Variants in TNNC2 observed in about 807,000 individuals in gnomAD.
The protein encoded by TNNC2 is troponin C2, fast skeletal type.
In TNNC2, 14 loss-of-function variants were observed where a neutral mutation model predicts 20.0. The observed-to-expected ratio is 0.70, with a 90% CI of 0.46 to 1.09. TNNC2 has a LOEUF of 1.09. Ranked by LOEUF, TNNC2 falls within the 50% of genes least tolerant of loss-of-function variation. TNNC2 has a pLI of 0.00. For synonymous variants in TNNC2, 81 were observed against 77.3 expected (o/e 1.05, Z -0.25); for missense variants, 163 against 223.8 (o/e 0.73, Z 1.73).
chr20:45,828,790 G>T (rs955086044), upstream of TNNC2, among the ~76,000 whole-genome samples: 1 of 152,102 alleles, frequency 6.6e-6, no homozygotes, highest in Non-Finnish European at 1.5e-5. Context: ...GCCAGGAAAG[G>T]GGGGCTGGAC....
At chr20:45,826,762 C>T (rs1982982667) in intron 1 of TNNC2, among the ~76,000 whole-genome samples, 1 of 152,220 alleles carries the variant, frequency 6.6e-6, no homozygotes, top group African/African-American at 2.4e-5. Context: ...GGTCTGTCAT[C>T]TTCTGCCCCT....
rs1982879924 is a variant in TNNC2, at chr20:45,824,003, T to C, written c.439A>G (p.Ile147Val). The C allele has an allele frequency of 6.2e-7, 1 of 1,613,988 alleles. No homozygotes were observed. Among genetic ancestry groups the C allele is most frequent in the Non-Finnish European group, 8.5e-7 (1 of 1,179,994 alleles). ...KDGDKNNDGRIDFDEFLKMME... is the reference protein window; with the variant it reads ...KDGDKNNDGRVDFDEFLKMME... ...CGTTGGCCCTCACCGTCGAAGTCAA[T>C]GCGGCCGTCGTTGTTCTTGTCGCCG... Residue 147 changes from isoleucine to valine, a missense_variant, in exon 5 of 6, where the codon ATT becomes GTT. Ile to Val is a conservative substitution (Grantham distance 29, BLOSUM62 3). Transcript: ENST00000372555.
At chr20:45,824,731 C>A (rs1601055141) in intron 2 of TNNC2, 52 bp downstream of exon 2, 7 of 1,349,206 alleles carry the variant, frequency 5.2e-6, no homozygotes, top group Non-Finnish European at 7.1e-6. Flanking sequence ...TAGAGGCCAA[C>A]ATGTCCCCAG....
chr20:45,824,260 C>A (rs779571273), intron 4 of TNNC2, 32 bp downstream of exon 4: 2 of 1,606,108 alleles, frequency 1.2e-6, no homozygotes, highest in South Asian at 1.1e-5. Flanking sequence ...GACTGCTAAG[C>A]CCCTCCCTCG....
chr20:45,828,087 G>A (rs1478342765), upstream of TNNC2, among the ~76,000 whole-genome samples: 1 of 152,132 alleles, frequency 6.6e-6, no homozygotes, highest in Non-Finnish European at 1.5e-5. Flanking sequence ...CAAGGCTGAT[G>A]TGCAGTGGTG....
chr20:45,828,392 C>G (rs1320131701), upstream of TNNC2, among the ~76,000 whole-genome samples: 1 of 152,090 alleles, frequency 6.6e-6, no homozygotes, highest in Non-Finnish European at 1.5e-5. Flanking sequence ...GACAGACAGT[C>G]CTTGGGGCAC....
At position 45,824,637 on chromosome 20, in the gene TNNC2, C is replaced by T; in HGVS notation, c.57G>A (p.Glu19=). ...RSYLSEEMIA[E]FKAAFDMFDA... ...CAAACATGTCAAAGGCAGCCTTGAA[C>T]TCTGCGAGGGAGGGCAGAGGGCAGA... Residue 19 remains glutamate, a splice_region_variant and synonymous_variant, in exon 3 of 6, where the codon GAG becomes GAA. Transcript: ENST00000372555. 1 of 1,609,046 alleles carries T rather than the reference C, an allele frequency of 6.2e-7. No homozygotes were observed. The highest frequency in any genetic ancestry group is 1.1e-5 in the South Asian group (1 of 91,048).
chr20:45,825,858 G>T (rs931309935), intron 1 of TNNC2, among the ~76,000 whole-genome samples: 1 of 152,078 alleles, frequency 6.6e-6, no homozygotes, highest in Non-Finnish European at 1.5e-5. Context: ...TACCTTAGGC[G>T]ATCTGCCTGC....
At position 45,825,543 on chromosome 20, in the gene TNNC2, C is replaced by T. The variant is rs530595534; in HGVS notation, c.4-709G>A. On this transcript the variant is annotated intron_variant, in intron 1 of 5. Coordinates refer to ENST00000372555, the MANE Select transcript of TNNC2 (RefSeq NM_003279.3). ...CTCACATCAGGTGATCCGCCCACCT[C>T]GGCTTCCCAAAGTGCTGGGATTACA... Among the ~76,000 whole-genome samples, 81 of 152,244 alleles carry T rather than the reference C, an allele frequency of 5.3e-4. 1 individual carries two copies. The highest frequency in any genetic ancestry group is 8.4e-4 in the Non-Finnish European group (57 of 68,022).
rs1601054284 is a variant in TNNC2, at chr20:45,824,124, A to G, written c.318T>C (p.Asn106=). 6.2e-7 allele frequency: 1 copy of G among 1,613,572 alleles called. No individual in the cohort carries two copies. Among genetic ancestry groups the G allele is most frequent in the Non-Finnish European group, 8.5e-7 (1 of 1,179,912 alleles). The change falls in exon 5 of 6, where the codon AAT becomes AAC. Residue 106 remains asparagine, a synonymous_variant. Coordinates refer to ENST00000372555, the MANE Select transcript of TNNC2 (RefSeq NM_003279.3). ...CCTCCGGGTCGATGTAGCCGTCTGCATTCCTTCAGGTCCGAGGGACAGGGC... is the reference window on the plus strand; with the variant it reads ...CCTCCGGGTCGATGTAGCCGTCTGCGTTCCTTCAGGTCCGAGGGACAGGGC... ...LAECFRIFDR[N]ADGYIDPEEL...
At chr20:45,824,221 G>C (rs1337919135) in intron 4 of TNNC2, 71 bp downstream of exon 4, 2 of 1,600,754 alleles carry the variant, frequency 1.2e-6, no homozygotes, top group Non-Finnish European at 1.7e-6. Flanking sequence ...CCAACACGGG[G>C]AAGCTTCCAG....
At chr20:45,831,333 T>G (rs1024484615), upstream of TNNC2, among the ~76,000 whole-genome samples, 1 of 151,984 alleles carries the variant, frequency 6.6e-6, no homozygotes, top group Non-Finnish European at 1.5e-5. Context: ...TCCCAGCACT[T>G]TGGGAGGCTG....
chr20:45,824,703 C>A (rs372161203), intron 2 of TNNC2, 65 bp from the exon 3 acceptor site: 9 of 1,579,196 alleles, frequency 5.7e-6, no homozygotes, highest in Admixed American at 1.7e-5. Context: ...CCTACCCCCC[C>A]CCAACCCCCA....
In TNNC2 at chr20:45,824,322, T is replaced by A. The variant is rs1201159793; in HGVS notation, c.284A>T (p.Glu95Val). The change falls in exon 4 of 6, where the codon GAG becomes GTG. Residue 95 changes from glutamate (E) to valine (V), a missense_variant. Coordinates refer to ENST00000372555, the MANE Select transcript of TNNC2 (RefSeq NM_003279.3). ...KEDAKGKSEE[E>V]LAECFRIFDR... ...GAAGATGCGGAAGCACTCGGCCAGC[T>A]CCTCCTCGCTCTTCCCTTTCGCGTC... 6.2e-7 allele frequency: 1 copy of A among 1,610,992 alleles called. No individual in the cohort carries two copies. The highest frequency in any genetic ancestry group is 8.5e-7 in the Non-Finnish European group (1 of 1,179,972).
Position 45,824,108 on chromosome 20 carries a change from C to G in TNNC2, c.334G>C (p.Asp112His), listed in dbSNP as rs140683159. 3 of 1,613,836 alleles carry G rather than the reference C, an allele frequency of 1.9e-6. No homozygotes were observed. Among genetic ancestry groups the G allele is most frequent in the South Asian group, 1.1e-5 (1 of 91,060 alleles). ...AAAATCTCAGCCAGCTCCTCCGGGT[C>G]GATGTAGCCGTCTGCATTCCTTCAG... ...IFDRNADGYI[D>H]PEELAEIFRA... The change falls in exon 5 of 6, where the codon GAC becomes CAC. Residue 112 changes from aspartate (D) to histidine (H), a missense_variant. Asp to His is a moderately conservative substitution (Grantham distance 81). Coordinates refer to ENST00000372555, the MANE Select transcript of TNNC2 (RefSeq NM_003279.3).
chr20:45,830,335 CAAAAAAAAAAAAAA>C (rs781603612), upstream of TNNC2, among the ~76,000 whole-genome samples: 1 of 54,194 alleles, frequency 1.8e-5, no homozygotes, highest in Non-Finnish European at 4.1e-5. Context: ...GACTGCATCT[CAAAAAAAAAAAAAA>C]AAAAAAAAAG....
chr20:45,824,307 A>C lies in TNNC2; in HGVS notation c.299T>G (p.Phe100Cys). The change falls in exon 4 of 6, where the codon TTC becomes TGC. Residue 100 changes from phenylalanine (F) to cysteine (C), a missense_variant. Phe to Cys is a radical substitution (Grantham distance 205). Coordinates refer to ENST00000372555, the MANE Select transcript of TNNC2 (RefSeq NM_003279.3). ...GKSEEELAEC[F>C]RIFDRNADGY... ...CCCAGCGCACCTGTCGAAGATGCGG[A>C]AGCACTCGGCCAGCTCCTCCTCGCT... 1 of 1,610,568 alleles carries C rather than the reference A, an allele frequency of 6.2e-7. No homozygotes were observed. Among genetic ancestry groups the C allele is most frequent in the African/African-American group, 1.3e-5 (1 of 74,998 alleles).
Position 45,823,865 on chromosome 20 carries a change from G to A in TNNC2, c.451+126C>T. On this transcript the variant is annotated intron_variant, in intron 5 of 5. Transcript: ENST00000372555. This position sits in a 1 kb window ranked among gnomAD's most constrained non-coding sequence, Gnocchi z 4.6. ...TATACCTGCCCCCAGGAGACTATGGGGAACTTGGTGAAGTTACGCCCAGCC... is the reference window on the plus strand; with the variant it reads ...TATACCTGCCCCCAGGAGACTATGGAGAACTTGGTGAAGTTACGCCCAGCC... The A allele has an allele frequency of 1.3e-6, 2 of 1,494,178 alleles. No individual in the cohort carries two copies. The highest frequency in any genetic ancestry group is 1.4e-5 in the African/African-American group (1 of 72,218). The allele number at this position is 1,494,178 out of a possible 1,614,324, so 92.6% of individuals were successfully genotyped here.
chr20:45,827,594 A>G (rs983719226), upstream of TNNC2, among the ~76,000 whole-genome samples: 2 of 152,144 alleles, frequency 1.3e-5, no homozygotes, highest in African/African-American at 4.8e-5. Flanking sequence ...TGGCTCCAAG[A>G]TGGTAAGGAT....
Sources: allele counts gnomAD v4.1 joint callset (sites outside exome capture counted in the v4.1 genomes callset), GRCh38; gene constraint gnomAD v4.1.1; non-coding constraint Gnocchi (gnomAD v3.1); transcripts MANE v1.5; gene names NCBI Gene and HGNC (gene_info 2026-07-23, HGNC 2026-07-21).